The following DPP6 variants were observed in gnomAD, a reference collection of about 807,000 sequenced individuals.
The protein encoded by DPP6 is A-type potassium channel modulatory protein DPP6.
DPP6 carries 69 observed loss-of-function variants against 122.6 expected under a neutral mutation model. The observed-to-expected ratio is 0.56, with a 90% CI of 0.46 to 0.69. The LOEUF (loss-of-function observed/expected upper bound fraction) is 0.69. Ranked by LOEUF, DPP6 falls within the 30% of genes least tolerant of loss-of-function variation. DPP6 has a pLI of 0.00. For synonymous variants in DPP6, 418 were observed against 433.1 expected (o/e 0.97, Z 0.43); for missense variants, 928 against 1,116.9 (o/e 0.83, Z 2.41).
chr7:153,899,296 T>A (rs1799544081), intron 1 of DPP6, among the ~76,000 whole-genome samples: 1 of 152,136 alleles, frequency 6.6e-6, no homozygotes, highest in East Asian at 1.9e-4. Flanking sequence ...GCCTTTATGT[T>A]GGGAAACGTG....
chr7:154,048,168 GCTTAA>G (rs1396049661), upstream of DPP6, among the ~76,000 whole-genome samples: 2 of 106,732 alleles, frequency 1.9e-5, no homozygotes, highest in Non-Finnish European at 3.8e-5. Flanking sequence ...GGAGATTGAA[GCTTAA>G]CTTTACTGAT....
chr7:153,843,912 C>T, the DPP6 span, among the ~76,000 whole-genome samples: 1 of 152,098 alleles, frequency 6.6e-6, no homozygotes, highest in Admixed American at 6.5e-5. Flanking sequence ...TGCCTTAACC[C>T]TAAAGAGGCC....
At chr7:154,449,612 T>C (rs1350385928) in intron 2 of DPP6, among the ~76,000 whole-genome samples, 1 of 152,148 alleles carries the variant, frequency 6.6e-6, no homozygotes, top group African/African-American at 2.4e-5. Flanking sequence ...TGGAAACATA[T>C]GTTCATATAG....
intron 1 of DPP6, among the ~76,000 whole-genome samples, chr7:153,944,935 A>G (rs748751909): frequency 6.6e-6 from 1 of 152,092 alleles, no homozygotes; most frequent in African/African-American, 2.4e-5. Flanking sequence ...TTCTTTGAAC[A>G]AACCAAGCTG....
intron 16 of DPP6, among the ~76,000 whole-genome samples, chr7:154,830,026 C>T (rs903731901): frequency 6.6e-6 from 1 of 152,216 alleles, no homozygotes; most frequent in African/African-American, 2.4e-5. Context: ...CCTTCCCAGA[C>T]TTTCAGGCCG....
intron 1 of DPP6, among the ~76,000 whole-genome samples, chr7:153,975,560 G>C (rs39144): frequency 1.4e-5 from 2 of 146,908 alleles, no homozygotes; most frequent in Admixed American, 6.6e-5. Flanking sequence ...AAAAAAAAAA[G>C]AAAATACTGC....
At chr7:154,744,943 C>T (rs1176145410) in intron 8 of DPP6, among the ~76,000 whole-genome samples, 1 of 152,174 alleles carries the variant, frequency 6.6e-6, no homozygotes, top group Non-Finnish European at 1.5e-5. Flanking sequence ...CGAAACGCGA[C>T]CTTGCTGCCT....
rs1285775060 is a variant in DPP6, at chr7:154,618,727, C to G, written c.628-19094C>G. 6.6e-6 allele frequency among the ~76,000 whole-genome samples: 1 copy of G among 152,190 alleles called. No homozygotes were observed. The highest frequency in any genetic ancestry group is 1.5e-5 in the Non-Finnish European group (1 of 68,038). ...ACTCAGCACATGCCTACTAAATGCTCTGTAGGCTTTATCTCATTTTAACTT... is the reference window on the plus strand; with the variant it reads ...ACTCAGCACATGCCTACTAAATGCTGTGTAGGCTTTATCTCATTTTAACTT... On this transcript the variant is annotated intron_variant, in intron 5 of 25. Transcript: ENST00000377770. The surrounding 1 kb of genome is among the most constrained non-coding windows in gnomAD (Gnocchi z 4.1).
the DPP6 span, among the ~76,000 whole-genome samples, chr7:153,858,349 G>A: frequency 6.6e-6 from 1 of 152,190 alleles, no homozygotes; most frequent in Non-Finnish European, 1.5e-5. Flanking sequence ...GGGGCAGGGT[G>A]AAGGGAACAG....
At chr7:154,023,845 T>C (rs1453183390) in intron 1 of DPP6, among the ~76,000 whole-genome samples, 1 of 151,914 alleles carries the variant, frequency 6.6e-6, no homozygotes, top group African/African-American at 2.4e-5. Context: ...AAAAATACTT[T>C]GGAATGTTTT....
At chr7:154,272,514 A>G (rs2150935793) in intron 1 of DPP6, among the ~76,000 whole-genome samples, 1 of 152,332 alleles carries the variant, frequency 6.6e-6, no homozygotes, top group African/African-American at 2.4e-5. Flanking sequence ...CTCATTGCAA[A>G]GCACTTGGGC....
chr7:154,782,578 A>G (rs931809842), intron 10 of DPP6, among the ~76,000 whole-genome samples: 3 of 152,118 alleles, frequency 2.0e-5, no homozygotes, highest in African/African-American at 7.2e-5. Flanking sequence ...GGAGATCTAT[A>G]GTTAAATAGC....
intron 7 of DPP6, among the ~76,000 whole-genome samples, chr7:154,679,862 G>A (rs1839178259): frequency 6.6e-6 from 1 of 152,136 alleles, no homozygotes; most frequent in South Asian, 2.1e-4. Context: ...AGACAGTTTG[G>A]TGAGTGATTT....
At chr7:154,662,931 T>C (rs1837848816) in intron 6 of DPP6, among the ~76,000 whole-genome samples, 1 of 66,734 alleles carries the variant, frequency 1.5e-5, no homozygotes. Context: ...ATAGTCATGG[T>C]GAATCACCAT....
intron 1 of DPP6, among the ~76,000 whole-genome samples, chr7:154,111,061 G>A (rs1196371570): frequency 2.6e-5 from 4 of 152,160 alleles, no homozygotes; most frequent in South Asian, 2.1e-4. Flanking sequence ...TGGGGGCTTC[G>A]AGCTCAAGCC....
chr7:153,875,894 C>A, the DPP6 span, among the ~76,000 whole-genome samples: 176 of 111,130 alleles, frequency 1.6e-3, no homozygotes, highest in African/African-American at 5.8e-3. Context: ...ACAGGCAGCT[C>A]ACAAAAAAAG....
At chr7:154,174,117 C>T (rs767752765) in intron 1 of DPP6, among the ~76,000 whole-genome samples, 2 of 152,084 alleles carry the variant, frequency 1.3e-5, no homozygotes, top group African/African-American at 4.8e-5. Flanking sequence ...TGGGTGAGAA[C>T]GGAGTGAGTT....
At chr7:154,816,844 C>T (rs115242698) in intron 16 of DPP6, among the ~76,000 whole-genome samples, 319 of 152,218 alleles carry the variant, frequency 2.1e-3, no homozygotes, top group African/African-American at 7.1e-3. Context: ...ATTCCAGAAG[C>T]GGCCATGGAT....
chr7:153,870,865 A>G, the DPP6 span, among the ~76,000 whole-genome samples: 2 of 152,200 alleles, frequency 1.3e-5, no homozygotes, highest in African/African-American at 4.8e-5. Context: ...TTTTCGTTCT[A>G]ACAGACAGGA....
Sources: allele counts gnomAD v4.1 joint callset (sites outside exome capture counted in the v4.1 genomes callset), GRCh38; gene constraint gnomAD v4.1.1; non-coding constraint Gnocchi (gnomAD v3.1); transcripts MANE v1.5; gene names NCBI Gene and HGNC (gene_info 2026-07-23, HGNC 2026-07-21).